PHLPP2: variants seen among roughly 807,000 people sequenced by gnomAD.
PHLPP2 encodes PH domain leucine-rich repeat-containing protein phosphatase 2.
A neutral mutation model predicts 124.9 loss-of-function variants in PHLPP2; 66 were observed. The observed-to-expected ratio is 0.53, with a 90% confidence interval of 0.43 to 0.65. The LOEUF is 0.65. Ranked by LOEUF, PHLPP2 falls within the 30% of genes least tolerant of loss-of-function variation. The pLI, the probability that PHLPP2 is intolerant of heterozygous loss-of-function variation, is 0.00. For missense variants in PHLPP2, 1,685 were observed against 1,600.4 expected (o/e 1.05, Z -0.90); for synonymous variants, 681 against 624.7 (o/e 1.09, Z -1.34).
intron 3 of PHLPP2, among the ~76,000 whole-genome samples, chr16:71,697,447 G>A (rs2045184227): frequency 6.6e-6 from 1 of 152,108 alleles, no homozygotes; most frequent in African/African-American, 2.4e-5. Flanking sequence ...ATGGGCTGTA[G>A]CTAGGCAGTT....
intron 18 of PHLPP2, among the ~76,000 whole-genome samples, chr16:71,650,949 G>T (rs1211528738): frequency 6.6e-6 from 1 of 152,208 alleles, no homozygotes; most frequent in African/African-American, 2.4e-5. Flanking sequence ...AATAATAAAG[G>T]TATGGTGTTT....
Position 71,648,599 on chromosome 16 carries a change from G to A in PHLPP2, c.*291C>T, listed in dbSNP as rs940830080. 2.7e-5 allele frequency: 8 copies of A among 295,234 alleles called. No homozygotes were observed. The South Asian group carries it at 3.3e-4, about 12-fold the overall frequency. The allele number at this position is 295,234 out of a possible 1,614,324, so 18.3% of individuals were successfully genotyped here. On this transcript the variant is annotated 3_prime_UTR_variant, in exon 19 of 19. Coordinates refer to ENST00000568954, the MANE Select transcript of PHLPP2 (RefSeq NM_015020.3). ...AGCCTGGCCAACATGGTGAAACCCCGTCTCTAAAAAAAAAAAATAAAACTT... is the reference window on the plus strand; with the variant it reads ...AGCCTGGCCAACATGGTGAAACCCCATCTCTAAAAAAAAAAAATAAAACTT...
chr16:71,711,168 A>G (rs1435286263), intron 2 of PHLPP2, among the ~76,000 whole-genome samples: 5 of 152,026 alleles, frequency 3.3e-5, no homozygotes, highest in Admixed American at 3.3e-4. Context: ...CGTCTCTACT[A>G]AAAATACAGA....
At chr16:71,694,904 C>T (rs2045153339) in intron 3 of PHLPP2, among the ~76,000 whole-genome samples, 1 of 152,044 alleles carries the variant, frequency 6.6e-6, no homozygotes, top group South Asian at 2.1e-4. Flanking sequence ...CCTGCCTCAG[C>T]CTCCCGAGTA....
chr16:71,690,466 T>C (rs12448022), intron 4 of PHLPP2, 53 bp downstream of exon 4: 325,438 of 1,211,794 alleles, frequency 0.27, 46,705 homozygotes, highest in Non-Finnish European at 0.3. Context: ...TTATGTGATA[T>C]TTTCTTAATT....
chr16:71,703,695 C>A (rs1197683309), intron 2 of PHLPP2, among the ~76,000 whole-genome samples: 5 of 152,164 alleles, frequency 3.3e-5, no homozygotes, highest in African/African-American at 1.2e-4. Context: ...CTGCATGCCC[C>A]AGTATATTTA....
chr16:71,668,137 G>T (rs540696476), intron 11 of PHLPP2, among the ~76,000 whole-genome samples: 8 of 151,082 alleles, frequency 5.3e-5, no homozygotes, highest in Non-Finnish European at 1.2e-4. Flanking sequence ...TCTGGCCGGG[G>T]GTGGTGGCTC....
intron 2 of PHLPP2, among the ~76,000 whole-genome samples, chr16:71,708,249 T>C (rs1033835603): frequency 2.8e-4 from 43 of 152,178 alleles, no homozygotes; most frequent in African/African-American, 9.4e-4. Flanking sequence ...CACATCCAGA[T>C]GGCCTGAGGC....
chr16:71,711,430 T>C (rs1291884241), intron 2 of PHLPP2, among the ~76,000 whole-genome samples: 2 of 151,596 alleles, frequency 1.3e-5, no homozygotes, highest in African/African-American at 2.4e-5. Flanking sequence ...TATTTAAAAG[T>C]ATGTGGGATT....
chr16:71,712,183 T>G (rs2045328629), intron 2 of PHLPP2, among the ~76,000 whole-genome samples: 1 of 152,256 alleles, frequency 6.6e-6, no homozygotes, highest in Non-Finnish European at 1.5e-5. Context: ...TAATGTTAGC[T>G]GAAATCTACC....
At chr16:71,698,428 G>T in intron 3 of PHLPP2, 1 of 720,812 alleles carries the variant, frequency 1.4e-6, no homozygotes, top group South Asian at 1.4e-5. Flanking sequence ...ATGCAGCTTG[G>T]TGCAGATGGA....
rs143068694 is a variant in PHLPP2 at position 71,696,693 on chromosome 16, C to G, written c.418+5905G>C. ...TACTTGTAAGAATCATGTCCTCTTC[C>G]CTGCACTCCTCAGTCACTCCCTTGA... On this transcript the variant is annotated intron_variant, in intron 3 of 18. Coordinates refer to ENST00000568954, the MANE Select transcript of PHLPP2 (RefSeq NM_015020.3). Among the ~76,000 whole-genome samples the G allele has an allele frequency of 2.6e-3, 391 of 152,122 alleles. 1 individual carries two copies. The highest frequency in any genetic ancestry group is 4.7e-3 in the Non-Finnish European group (320 of 67,998).
At chr16:71,723,749 T>A in intron 1 of PHLPP2, 1 of 1,216,996 alleles carries the variant, frequency 8.2e-7, no homozygotes, top group Non-Finnish European at 1.1e-6. Flanking sequence ...GCTCGCTCGC[T>A]GGTCCATCCG....
At chr16:71,695,152 C>G (rs1231097497) in intron 3 of PHLPP2, among the ~76,000 whole-genome samples, 1 of 152,080 alleles carries the variant, frequency 6.6e-6, no homozygotes, top group African/African-American at 2.4e-5. Flanking sequence ...AGGTTATAGG[C>G]AAAGGGGTAC....
At chr16:71,687,204 A>G (rs547774038) in intron 4 of PHLPP2, among the ~76,000 whole-genome samples, 1 of 152,250 alleles carries the variant, frequency 6.6e-6, no homozygotes, top group South Asian at 2.1e-4. Context: ...TGTTACCTGT[A>G]TATCTGCTTT....
intron 17 of PHLPP2, 82 bp from the exon 18 acceptor site, chr16:71,653,103 T>A: frequency 2.5e-6 from 1 of 405,200 alleles, no homozygotes; most frequent in Non-Finnish European, 3.9e-6. Flanking sequence ...TCCCTTCTTT[T>A]TTTTTTTTTT....
chr16:71,687,401 TA>T (rs1319967390), intron 4 of PHLPP2, among the ~76,000 whole-genome samples: 2 of 152,226 alleles, frequency 1.3e-5, no homozygotes, highest in African/African-American at 4.8e-5. Context: ...TTGATGAGTA[TA>T]TATTCTTTCA....
rs139471736 is a variant in PHLPP2 at position 71,713,880 on chromosome 16, C to T, written c.284+632G>A. 3.3e-5 allele frequency among the ~76,000 whole-genome samples: 5 copies of T among 150,504 alleles called. No individual in the cohort carries two copies. The East Asian group carries it at 9.7e-4, about 29-fold the overall frequency. ...GAATGAGGGACAGAAAAGTACTTCT[C>T]ACTCTATACCCTTTTTAAAAATTTC... On this transcript the variant is annotated intron_variant, in intron 2 of 18. Coordinates refer to ENST00000568954, the MANE Select transcript of PHLPP2 (RefSeq NM_015020.3).
At chr16:71,695,724 A>G (rs1475977840) in intron 3 of PHLPP2, among the ~76,000 whole-genome samples, 3 of 152,154 alleles carry the variant, frequency 2.0e-5, no homozygotes, top group Non-Finnish European at 4.4e-5. Flanking sequence ...AAAAAAAAAA[A>G]AAAGAAATGC....
Sources: allele counts gnomAD v4.1 joint callset (sites outside exome capture counted in the v4.1 genomes callset), GRCh38; gene constraint gnomAD v4.1.1; transcripts MANE v1.5; gene names NCBI Gene and HGNC (gene_info 2026-07-23, HGNC 2026-07-21).